NTRK3: variants seen among roughly 807,000 people sequenced by gnomAD.
NTRK3 encodes NT-3 growth factor receptor.
In NTRK3, 24 loss-of-function variants were observed where a neutral mutation model predicts 91.7. The ratio of observed to expected loss-of-function variants is 0.26; its 90% CI spans 0.19 to 0.37. The LOEUF is 0.37. Among genes scored for constraint, NTRK3 ranks in the 10% least tolerant of loss-of-function variants. NTRK3 has a pLI of 1.00. For missense variants in NTRK3, 880 were observed against 1,068.9 expected (o/e 0.82, Z 2.46); for synonymous variants, 483 against 404.0 (o/e 1.20, Z -2.34).
chr15:88,107,667 C>T (rs112090293), intron 13 of NTRK3, among the ~76,000 whole-genome samples: 71 of 152,164 alleles, frequency 4.7e-4, no homozygotes, highest in African/African-American at 1.6e-3. Context: ...GAGACAGGAG[C>T]CCAAGGCCTA....
At chr15:88,252,416 A>C (rs1291138755) in intron 3 of NTRK3, 1 of 152,122 alleles carries the variant, frequency 6.6e-6, no homozygotes, top group African/African-American at 2.4e-5. Flanking sequence ...GAGCTGCCAA[A>C]TGCCAGGGAC....
intron 13 of NTRK3, among the ~76,000 whole-genome samples, chr15:88,097,880 G>T (rs2049784782): frequency 6.6e-6 from 1 of 152,160 alleles, no homozygotes; most frequent in Non-Finnish European, 1.5e-5. Context: ...CTAGCACAAG[G>T]GTGATTTACT....
intron 6 of NTRK3, among the ~76,000 whole-genome samples, chr15:88,137,868 T>C (rs1333074725): frequency 1.3e-5 from 2 of 151,948 alleles, no homozygotes; most frequent in Non-Finnish European, 2.9e-5. Flanking sequence ...CTGACCAACA[T>C]GGTGAAACCC....
intron 12 of NTRK3, among the ~76,000 whole-genome samples, chr15:88,126,930 CTG>C (rs1221048492): frequency 1.3e-5 from 2 of 152,176 alleles, no homozygotes; most frequent in Non-Finnish European, 2.9e-5. Flanking sequence ...TCCTAACAGA[CTG>C]GGGATTTTCT....
rs1049358392 is a variant in NTRK3 at position 88,175,721 on chromosome 15, A to G, written c.395+7697T>C. On this transcript the variant is annotated intron_variant, in intron 5 of 18. Transcript: ENST00000394480. ...CCAGACATTCTCCTCAATTCTTCAT[A>G]TACATTAATTCATTTAATCTTGCTA... is the stretch of plus-strand genomic sequence containing the variant. Among the ~76,000 whole-genome samples, 7 of 152,352 alleles carry G rather than the reference A, an allele frequency of 4.6e-5. No homozygotes were observed. The South Asian group carries it at 1.5e-3, about 32-fold the overall frequency.
intron 14 of NTRK3, among the ~76,000 whole-genome samples, chr15:88,013,527 T>C (rs1488489196): frequency 6.6e-6 from 1 of 152,228 alleles, no homozygotes; most frequent in Middle Eastern, 3.2e-3. Flanking sequence ...AGTTGAGGAA[T>C]AGAAATGAAT....
chr15:87,927,518 C>T (rs2068422974), intron 17 of NTRK3: 1 of 152,146 alleles, frequency 6.6e-6, no homozygotes, highest in Non-Finnish European at 1.5e-5. Flanking sequence ...AAAGATGAGA[C>T]AATTGGCTGC....
chr15:88,006,329 T>C (rs1354504066), intron 14 of NTRK3, among the ~76,000 whole-genome samples: 1 of 152,230 alleles, frequency 6.6e-6, no homozygotes, highest in East Asian at 1.9e-4. Context: ...ATTAATATCT[T>C]ACACGTCTCA....
chr15:88,216,059 A>T (rs1034075228), intron 3 of NTRK3, among the ~76,000 whole-genome samples: 1 of 152,174 alleles, frequency 6.6e-6, no homozygotes, highest in Admixed American at 6.5e-5. Flanking sequence ...GAACAAAAAG[A>T]TGTTCACAAA....
Position 88,255,510 on chromosome 15 carries a change from A to G in NTRK3, c.248+396T>C, listed in dbSNP as rs573079708. On this transcript the variant is annotated intron_variant, in intron 3 of 18. Coordinates refer to ENST00000394480, the Ensembl canonical transcript of NTRK3. This position sits in a 1 kb window ranked among gnomAD's most constrained non-coding sequence, Gnocchi z 4.3. Reference sequence around the variant, plus strand: ...TGCCACCGCCGCTGCCGCCTCTGCCAAAGAATCGAACCTCGTCTACTTTAT... The same window carrying G: ...TGCCACCGCCGCTGCCGCCTCTGCCGAAGAATCGAACCTCGTCTACTTTAT... Among the ~76,000 whole-genome samples, 1 of 152,294 alleles carries G rather than the reference A, an allele frequency of 6.6e-6. No homozygotes were observed. The highest frequency in any genetic ancestry group is 2.1e-4 in the South Asian group (1 of 4,826).
At chr15:88,075,241 C>T (rs1487076502) in intron 13 of NTRK3, among the ~76,000 whole-genome samples, 1 of 152,152 alleles carries the variant, frequency 6.6e-6, no homozygotes, top group African/African-American at 2.4e-5. Flanking sequence ...CAAGCCCACC[C>T]GAGGGCCTGA....
intron 13 of NTRK3, among the ~76,000 whole-genome samples, chr15:88,121,694 C>A (rs1270995628): frequency 2.6e-5 from 4 of 152,308 alleles, no homozygotes; most frequent in Middle Eastern, 3.4e-3. Context: ...ATCTGACAAT[C>A]AAAGAGTTAA....
At chr15:87,952,261 AAAG>A (rs920992633) in intron 14 of NTRK3, among the ~76,000 whole-genome samples, 5 of 151,778 alleles carry the variant, frequency 3.3e-5, no homozygotes, top group African/African-American at 4.8e-5. Context: ...AAGAGAAAGA[AAAG>A]AAGGAAGGAA....
Position 88,125,800 on chromosome 15 carries a change from G to A in NTRK3, c.1396+471C>T, listed in dbSNP as rs533517022. Among the ~76,000 whole-genome samples, 3 of 152,200 alleles carry A rather than the reference G, an allele frequency of 2.0e-5. No homozygotes were observed. The South Asian group carries it at 6.2e-4, about 32-fold the overall frequency. On this transcript the variant is annotated intron_variant, in intron 13 of 18. Transcript: ENST00000394480. ...ACTCTGGGACTCTGTGTAGAGCTAC[G>A]TGCTGAGATCCCATTGCATGGGCAG...
chr15:87,870,406 G>A (rs2141406608), exon 19 of NTRK3: 1 of 202,560 alleles, frequency 4.9e-6, no homozygotes, highest in South Asian at 1.9e-4. Flanking sequence ...GTATAAGAAT[G>A]ACACAATGGA....
intron 18 of NTRK3, among the ~76,000 whole-genome samples, chr15:87,878,713 G>A (rs920613643): frequency 5.9e-5 from 9 of 152,242 alleles, no homozygotes; most frequent in Non-Finnish European, 1.0e-4. Flanking sequence ...AAGTGGCTGA[G>A]GGCAGAAAGC....
chr15:88,012,706 A>G (rs902071798), intron 14 of NTRK3, among the ~76,000 whole-genome samples: 1 of 152,248 alleles, frequency 6.6e-6, no homozygotes, highest in African/African-American at 2.4e-5. Flanking sequence ...TAGTAACTAT[A>G]TTGAAGCACT....
exon 19 of NTRK3, chr15:87,870,558 T>A (rs1371363567): frequency 4.8e-6 from 1 of 208,094 alleles, no homozygotes; most frequent in Non-Finnish European, 9.8e-6. Flanking sequence ...AAACACTACC[T>A]GTTCCCCAAT....
rs557645538 is a variant in NTRK3, at chr15:88,024,425, T to C, written c.1585+8432A>G. On this transcript the variant is annotated intron_variant, in intron 14 of 18. Coordinates refer to ENST00000394480, the Ensembl canonical transcript of NTRK3. ...TCCCCAGGGCCTAACAGAGAGTGCCTGGTACTTAAGAAGGGATCAGTGGAT... is the reference window on the plus strand; with the variant it reads ...TCCCCAGGGCCTAACAGAGAGTGCCCGGTACTTAAGAAGGGATCAGTGGAT... Among the ~76,000 whole-genome samples, 5 of 152,252 alleles carry C rather than the reference T, an allele frequency of 3.3e-5. No homozygotes were observed. The East Asian group carries it at 9.7e-4, about 29-fold the overall frequency.
Sources: gnomAD v4.1 joint callset for allele counts (sites outside exome capture counted in the v4.1 genomes callset) on GRCh38, gnomAD v4.1.1 for gene constraint, Gnocchi (gnomAD v3.1) non-coding constraint, MANE v1.5 for transcripts, NCBI Gene and HGNC (gene_info 2026-07-23, HGNC 2026-07-21) for gene names.